The following PCDHGA3 variants were observed in gnomAD, a reference collection of about 807,000 sequenced individuals.
PCDHGA3 encodes the protein protocadherin gamma-A3.
A neutral mutation model predicts 58.5 loss-of-function variants in PCDHGA3; 40 were observed. The ratio of observed to expected loss-of-function variants is 0.68; its 90% CI spans 0.53 to 0.89. The LOEUF is 0.89. PCDHGA3 is among the 40% of genes least tolerant of loss of function. PCDHGA3 has a pLI of 0.00. For synonymous variants in PCDHGA3, 530 were observed against 525.7 expected (o/e 1.01, Z -0.11); for missense variants, 1,223 against 1,195.9 (o/e 1.02, Z -0.33).
chr5:141,427,895 G>T (rs539406412), intron 1 of PCDHGA3: 3 of 1,569,228 alleles, frequency 1.9e-6, no homozygotes, highest in South Asian at 2.2e-5. Context: ...ACCAGGGCTC[G>T]CCCGCGCTCA....
rs570029585 is a variant in PCDHGA3 at position 141,389,223 on chromosome 5, G to A, written c.2424+42766G>A. On this transcript the variant is annotated intron_variant, in intron 1 of 3. Coordinates refer to ENST00000253812, the MANE Select transcript of PCDHGA3 (RefSeq NM_018916.4). ...GCACATTGGTGATGTAAATGACAAC[G>A]CTCCGGTTTTCTCACAGTCTTCCTA... 5.0e-6 allele frequency: 8 copies of A among 1,613,994 alleles called. No homozygotes were observed. The African/African-American group carries it at 8.0e-5, about 16-fold the overall frequency.
chr5:141,359,616 T>A (rs1761268936), intron 1 of PCDHGA3, among the ~76,000 whole-genome samples: 2 of 152,006 alleles, frequency 1.3e-5, no homozygotes, highest in South Asian at 2.1e-4. Context: ...GAATATGGTA[T>A]GTTGTATGCT....
At chr5:141,441,725 C>T (rs2098268012) in intron 1 of PCDHGA3, 3 of 352,332 alleles carry the variant, frequency 8.5e-6, no homozygotes. Flanking sequence ...AGGCCCGCGA[C>T]CAGGACTAGC....
intron 1 of PCDHGA3, among the ~76,000 whole-genome samples, chr5:141,472,039 A>T (rs913132856): frequency 1.3e-5 from 2 of 152,200 alleles, no homozygotes; most frequent in Non-Finnish European, 2.9e-5. Context: ...AGCTGTGAAA[A>T]GATTTTAAAA....
At chr5:141,414,020 C>A in intron 1 of PCDHGA3, 1 of 1,612,618 alleles carries the variant, frequency 6.2e-7, no homozygotes. Flanking sequence ...GGAGAAGTGA[C>A]ATATTCATTC....
intron 1 of PCDHGA3, chr5:141,357,368 G>C: frequency 1.2e-6 from 2 of 1,614,156 alleles, no homozygotes; most frequent in Non-Finnish European, 1.7e-6. Flanking sequence ...CACAAGTCAC[G>C]CCTGCTTCAC....
chr5:141,472,750 C>T (rs967243815), intron 1 of PCDHGA3, among the ~76,000 whole-genome samples: 3 of 151,882 alleles, frequency 2.0e-5, no homozygotes, highest in Non-Finnish European at 2.9e-5. Context: ...CTTTGGGAGG[C>T]GGAGGCTGGC....
chr5:141,466,121 C>CA (rs908379481), intron 1 of PCDHGA3, among the ~76,000 whole-genome samples: 24 of 146,876 alleles, frequency 1.6e-4, no homozygotes, highest in East Asian at 8.0e-4. Context: ...GACTCCAGCT[C>CA]AAAAAAAAAA....
At chr5:141,415,274 C>T (rs775112066) in intron 1 of PCDHGA3, 19 of 1,614,086 alleles carry the variant, frequency 1.2e-5, no homozygotes, top group Admixed American at 1.0e-4. Context: ...CTGGTGGTAG[C>T]GGTGGCCGCG....
rs1230922567 is a variant in PCDHGA3, at chr5:141,351,832, C to G, written c.2424+5375C>G. 2 of 1,613,246 alleles carry G rather than the reference C, an allele frequency of 1.2e-6. No homozygotes were observed. Among genetic ancestry groups the G allele is most frequent in the Non-Finnish European group, 8.5e-7 (1 of 1,179,810 alleles). On this transcript the variant is annotated intron_variant, in intron 1 of 3. Coordinates refer to ENST00000253812, the MANE Select transcript of PCDHGA3 (RefSeq NM_018916.4). ...TCGACCACGAGCAGCTGCGCGCCTT[C>G]GAGCTCACACTGCAGGCCAGGGACC...
chr5:141,389,777 C>G (rs771585855), intron 1 of PCDHGA3: 68 of 1,613,174 alleles, frequency 4.2e-5, no homozygotes, highest in Non-Finnish European at 5.7e-5. Context: ...GTGCCTTAGG[C>G]GACAGGGACG....
Position 141,375,778 on chromosome 5 carries a change from C to G in PCDHGA3, c.2424+29321C>G. Reference sequence around the variant, plus strand: ...ACAATGCGCCCGAGATCCTGTACCCCGCCCTCCCCACAGACGGTTCCACTG... The same window carrying G: ...ACAATGCGCCCGAGATCCTGTACCCGGCCCTCCCCACAGACGGTTCCACTG... On this transcript the variant is annotated intron_variant, in intron 1 of 3. Coordinates refer to ENST00000253812, the MANE Select transcript of PCDHGA3 (RefSeq NM_018916.4). The G allele has an allele frequency of 1.9e-6, 3 of 1,614,242 alleles. No homozygotes were observed. The African/African-American group carries it at 4.0e-5, about 22-fold the overall frequency.
chr5:141,347,720 G>A (rs1466782410), intron 1 of PCDHGA3, among the ~76,000 whole-genome samples: 1 of 151,346 alleles, frequency 6.6e-6, no homozygotes, highest in Non-Finnish European at 1.5e-5. Context: ...CCAGGAGGCA[G>A]AAGTTGCAGA....
intron 1 of PCDHGA3, among the ~76,000 whole-genome samples, chr5:141,471,706 A>G (rs2099262749): frequency 6.6e-6 from 1 of 152,212 alleles, no homozygotes; most frequent in African/African-American, 2.4e-5. Context: ...CTGGAATAGA[A>G]GTGCCACTTA....
In PCDHGA3 at chr5:141,344,464, A is replaced by T; in HGVS notation, c.431A>T (p.Glu144Val). ...PTEELEIKIGELTVPGTRFPI... is the reference protein window; with the variant it reads ...PTEELEIKIGVLTVPGTRFPI... Reference sequence around the variant, plus strand: ...GAGGAATTGGAAATAAAAATTGGTGAACTAACGGTTCCTGGAACCCGATTT... The same window carrying T: ...GAGGAATTGGAAATAAAAATTGGTGTACTAACGGTTCCTGGAACCCGATTT... Residue 144 changes from glutamate to valine, a missense_variant, in exon 1 of 4, where the codon GAA (glutamate) becomes GTA (valine). Physicochemically the swap from Glu to Val is moderately radical, Grantham distance 121 (BLOSUM62 -2). Coordinates refer to ENST00000253812, the MANE Select transcript of PCDHGA3 (RefSeq NM_018916.4). The T allele has an allele frequency of 6.2e-7, 1 of 1,613,906 alleles. No individual in the cohort carries two copies.
Position 141,491,611 on chromosome 5 carries a change from A to G in PCDHGA3, c.2425-3196A>G. The G allele has an allele frequency of 6.2e-7, 1 of 1,613,866 alleles. No individual in the cohort carries two copies. The highest frequency in any genetic ancestry group is 8.5e-7 in the Non-Finnish European group (1 of 1,180,018). Reference sequence around the variant, plus strand: ...GGACGGCAGTGACTTCACTTTTCTAAGACCCCTCAGCGTTCAGCAGCCCAC... The same window carrying G: ...GGACGGCAGTGACTTCACTTTTCTAGGACCCCTCAGCGTTCAGCAGCCCAC... On this transcript the variant is annotated intron_variant, in intron 1 of 3. Transcript: ENST00000253812. This position sits in a 1 kb window ranked among gnomAD's most constrained non-coding sequence, Gnocchi z 6.9.
chr5:141,417,111 G>A (rs1014827063), intron 1 of PCDHGA3: 13 of 152,012 alleles, frequency 8.6e-5, no homozygotes, highest in African/African-American at 2.7e-4. Context: ...AAGCAATACA[G>A]GACACCCTGG....
At position 141,360,035 on chromosome 5, in the gene PCDHGA3, G is replaced by A. The variant is rs78319344; in HGVS notation, c.2424+13578G>A. The A allele has an allele frequency of 1.7e-3, 2,428 of 1,406,266 alleles. 36 individuals carry two copies. In the African/African-American group the frequency reaches 0.032, roughly 18 times the overall value. The allele number at this position is 1,406,266 out of a possible 1,614,324, so 87.1% of individuals were successfully genotyped here. On this transcript the variant is annotated intron_variant, in intron 1 of 3. Transcript: ENST00000253812. ...CACAGAGAAGGCCAGTATAGATTCGGAAACAGAAAACAAAAGCAGGAAAAG... is the reference window on the plus strand; with the variant it reads ...CACAGAGAAGGCCAGTATAGATTCGAAAACAGAAAACAAAAGCAGGAAAAG...
chr5:141,484,697 T>C (rs746981788), intron 1 of PCDHGA3, among the ~76,000 whole-genome samples: 11 of 151,988 alleles, frequency 7.2e-5, no homozygotes, highest in Non-Finnish European at 1.3e-4. Context: ...AGGCTGTGGC[T>C]GTTTTCCCCG....
Sources: gnomAD v4.1 joint callset for allele counts (sites outside exome capture counted in the v4.1 genomes callset) on GRCh38, gnomAD v4.1.1 for gene constraint, Gnocchi (gnomAD v3.1) non-coding constraint, MANE v1.5 for transcripts, NCBI Gene and HGNC (gene_info 2026-07-23, HGNC 2026-07-21) for gene names.